ALOX12: variants seen among roughly 807,000 people sequenced by gnomAD.
The protein encoded by ALOX12 is arachidonate 12-lipoxygenase, 12S type.
In ALOX12, 62 loss-of-function variants were observed where a neutral mutation model predicts 85.5. The ratio of observed to expected loss-of-function variants is 0.73; its 90% CI spans 0.59 to 0.90. The LOEUF (loss-of-function observed/expected upper bound fraction) is 0.90. ALOX12 is among the 40% of genes least tolerant of loss of function. The pLI is 0.00. For missense variants in ALOX12, 751 were observed against 856.5 expected (o/e 0.88, Z 1.54); for synonymous variants, 299 against 332.7 (o/e 0.90, Z 1.10).
intron 8 of ALOX12, 179 bp downstream of exon 8, chr17:7,001,990 T>C (rs1908736551): frequency 1.6e-6 from 1 of 615,872 alleles, no homozygotes; most frequent in East Asian, 2.8e-5. Flanking sequence ...TCACTTAACA[T>C]TATATAGGAA....
intron 10 of ALOX12, 38 bp downstream of exon 10, chr17:7,006,065 G>GT (rs759175360): frequency 6.5e-5 from 11 of 169,596 alleles, no homozygotes; most frequent in South Asian, 3.1e-4. Flanking sequence ...GGGGCCGGGG[G>GT]GGGGGGGGGC....
At chr17:7,010,160 G>A (rs1263964369) in intron 13 of ALOX12, 34 bp downstream of exon 13, 2 of 1,600,070 alleles carry the variant, frequency 1.2e-6, no homozygotes, top group Admixed American at 3.4e-5. Context: ...GGAAATGACA[G>A]TTGGAAAGGA....
chr17:7,005,468 C>T (rs1567719608), intron 9 of ALOX12, 125 bp downstream of exon 9: 1 of 656,006 alleles, frequency 1.5e-6, no homozygotes. Flanking sequence ...CCTTTTATAC[C>T]CATGTCTTTT....
intron 10 of ALOX12, 106 bp from the exon 11 acceptor site, chr17:7,006,380 G>A: frequency 6.5e-7 from 1 of 1,545,298 alleles, no homozygotes; most frequent in South Asian, 1.2e-5. Context: ...CAAAGGCGAG[G>A]TGTCTTCCCA....
chr17:7,005,700 C>T (rs557231605), intron 9 of ALOX12, among the ~76,000 whole-genome samples, 158 bp from the exon 10 acceptor site: 7 of 151,820 alleles, frequency 4.6e-5, no homozygotes, highest in Non-Finnish European at 5.9e-5. Context: ...AGACTGGTCT[C>T]GAACTCCTGA....
In ALOX12 at chr17:7,010,493, T is replaced by G. The variant is rs1909337050; in HGVS notation, c.*70T>G. ...ACTGACATTTCTATCTTGAATTTCA[T>G]GCTTTCCTAAAGTCTCTGCTGCTAA... is the stretch of plus-strand genomic sequence containing the variant. On this transcript the variant is annotated 3_prime_UTR_variant, in exon 14 of 14. Coordinates refer to ENST00000251535, the MANE Select transcript of ALOX12 (RefSeq NM_000697.3). 1.9e-6 allele frequency: 3 copies of G among 1,542,424 alleles called. No homozygotes were observed. Among genetic ancestry groups the G allele is most frequent in the Non-Finnish European group, 2.6e-6 (3 of 1,142,004 alleles).
At chr17:7,001,916 G>C in intron 8 of ALOX12, 105 bp downstream of exon 8, 2 of 874,778 alleles carry the variant, frequency 2.3e-6, no homozygotes, top group Non-Finnish European at 3.5e-6. Context: ...AGCAATTTGT[G>C]AGTGAAGAGG....
At position 6,999,362 on chromosome 17, in the gene ALOX12, G is replaced by A. The variant is rs778398810; in HGVS notation, c.703G>A (p.Gly235Ser). 6.2e-7 allele frequency: 1 copy of A among 1,614,074 alleles called. No homozygotes were observed. Among genetic ancestry groups the A allele is most frequent in the African/African-American group, 1.3e-5 (1 of 74,926 alleles). Residue 235 changes from glycine to serine, a missense_variant, in exon 6 of 14, where the codon GGT (glycine) becomes AGT (serine). Coordinates refer to ENST00000251535, the MANE Select transcript of ALOX12 (RefSeq NM_000697.3). ...GTTGTTCAGCTACCAGTTCCTCAAT[G>A]GTGCCAACCCCATGCTGTTGAGACG... ...DELFSYQFLN[G>S]ANPMLLRRST...
Position 6,996,166 on chromosome 17 carries a change from G to C in ALOX12, c.49G>C (p.Gly17Arg), listed in dbSNP as rs1908419740. 8.0e-7 allele frequency: 1 copy of C among 1,254,458 alleles called. No individual in the cohort carries two copies. The highest frequency in any genetic ancestry group is 4.2e-5 in the Admixed American group (1 of 23,768). 77.7% of individuals were successfully genotyped at this position (1,254,458 alleles called of 1,614,324 possible). ...RVATGAWLFS[G>R]SYNRVQLWLV... ...GGCCACCGGGGCCTGGCTCTTCTCC[G>C]GGTCGTACAACCGCGTGCAGCTTTG... The change falls in exon 1 of 14, where the codon GGG becomes CGG. Residue 17 changes from glycine (G) to arginine (R), a missense_variant. Gly to Arg is a moderately radical substitution (Grantham distance 125). Transcript: ENST00000251535.
chr17:7,010,103 CTG>C lies in ALOX12; in HGVS notation c.1790_1791del (p.Leu597GlnfsTer46). On this transcript the variant is annotated frameshift_variant, in exon 13 of 14. Transcript: ENST00000251535. LOFTEE classifies it high-confidence loss of function. Reference sequence around the variant, plus strand: ...TCTTCAAATGGCCATCTCATGGCATCTGAGTCGCCGCCAGCCAGACATGGTGA... The same window carrying C: ...TCTTCAAATGGCCATCTCATGGCATCAGTCGCCGCCAGCCAGACATGGTGA... ...ACLQMAISWH[L>X]SRRQPDMVPL... 1.2e-6 allele frequency: 2 copies of C among 1,612,860 alleles called. No homozygotes were observed. Among genetic ancestry groups the C allele is most frequent in the Non-Finnish European group, 1.7e-6 (2 of 1,179,240 alleles).
chr17:7,008,434 T>C (rs186550398), intron 11 of ALOX12, among the ~76,000 whole-genome samples: 1 of 152,354 alleles, frequency 6.6e-6, no homozygotes, highest in East Asian at 1.9e-4. Context: ...TTGATTTTCT[T>C]ACCTATAAAA....
intron 1 of ALOX12, 127 bp from the exon 2 acceptor site, chr17:6,996,699 G>C (rs1908455554): frequency 8.4e-7 from 1 of 1,194,712 alleles, no homozygotes; most frequent in Non-Finnish European, 1.2e-6. Context: ...GTGCGGGGGC[G>C]GGAACGAGGC....
intron 8 of ALOX12, 93 bp downstream of exon 8, chr17:7,001,904 G>A: frequency 1.8e-6 from 2 of 1,086,800 alleles, no homozygotes; most frequent in African/African-American, 3.1e-5. Context: ...AAAACTCTTT[G>A]TAGCAATTTG....
intron 8 of ALOX12, among the ~76,000 whole-genome samples, chr17:7,004,367 T>C (rs988739839): frequency 1.7e-4 from 15 of 87,472 alleles, no homozygotes; most frequent in Non-Finnish European, 2.9e-4. Context: ...AATTTTAATA[T>C]TAATTTAATT....
intron 8 of ALOX12, 137 bp downstream of exon 8, chr17:7,001,948 A>G (rs550622103): frequency 4.3e-6 from 3 of 691,076 alleles, no homozygotes; most frequent in South Asian, 3.7e-5. Flanking sequence ...ATATCTTGAG[A>G]TGTTGATTTT....
rs1244819391 is a variant in ALOX12 at position 7,000,952 on chromosome 17, C to T, written c.951+473C>T. 6.7e-6 allele frequency among the ~76,000 whole-genome samples: 1 copy of T among 149,026 alleles called. No individual in the cohort carries two copies. The highest frequency in any genetic ancestry group is 2.0e-4 in the East Asian group (1 of 5,084). On this transcript the variant is annotated intron_variant, in intron 7 of 13. Transcript: ENST00000251535. The surrounding 1 kb of genome is among the most constrained non-coding windows in gnomAD (Gnocchi z 4.6). ...TCTTGAATATCTTTTCTCGCAATTT[C>T]TTTTTTTTTTTTGAGACAGAATCTC... is the stretch of plus-strand genomic sequence containing the variant.
Position 6,998,677 on chromosome 17 carries a change from C to G in ALOX12, c.420-38C>G, listed in dbSNP as rs765474207. On this transcript the variant is annotated intron_variant, in intron 3 of 13. Transcript: ENST00000251535. ...CCCTGCCCCTGGCCCCATCACTGACCATGACATCCTTCCTGAAGCTTTGTC... is the reference window on the plus strand; with the variant it reads ...CCCTGCCCCTGGCCCCATCACTGACGATGACATCCTTCCTGAAGCTTTGTC... The G allele has an allele frequency of 5.6e-6, 9 of 1,613,188 alleles. No homozygotes were observed. In the African/African-American group the frequency reaches 6.7e-5, roughly 12 times the overall value.
Position 7,000,591 on chromosome 17 carries a change from A to G in ALOX12, c.951+112A>G. The G allele has an allele frequency of 1.6e-6, 2 of 1,277,978 alleles. No individual in the cohort carries two copies. Among genetic ancestry groups the G allele is most frequent in the Non-Finnish European group, 2.2e-6 (2 of 913,210 alleles). 79.2% of individuals were successfully genotyped at this position (1,277,978 alleles called of 1,614,324 possible). On this transcript the variant is annotated intron_variant, in intron 7 of 13. Coordinates refer to ENST00000251535, the MANE Select transcript of ALOX12 (RefSeq NM_000697.3). This position sits in a 1 kb window ranked among gnomAD's most constrained non-coding sequence, Gnocchi z 4.6. ...CCAAACCCCATCCTCACTCAGTGAG[A>G]CTTGTCTTCATGTCACTATTTGCCT...
At position 6,999,140 on chromosome 17, in the gene ALOX12, T is replaced by C. The variant is rs2307215; in HGVS notation, c.646+84T>C. On this transcript the variant is annotated intron_variant, in intron 5 of 13. Coordinates refer to ENST00000251535, the MANE Select transcript of ALOX12 (RefSeq NM_000697.3). The stretch of plus-strand genomic sequence containing the variant: ...CACTCCACAGTCCCCCGTAACTCTT[T>C]GCAAGAAGAGACCTTATCATATCTG... 0.08 allele frequency: 119,651 copies of C among 1,504,218 alleles called. 7,824 individuals carry two copies. The highest frequency in any genetic ancestry group is 0.35 in the Admixed American group (18,957 of 54,854). 93.2% of individuals were successfully genotyped at this position (1,504,218 alleles called of 1,614,324 possible). A position where few individuals can be genotyped will look rare whatever the true frequency, so the allele number is the denominator to read the frequency against.
Sources: allele counts gnomAD v4.1 joint callset (sites outside exome capture counted in the v4.1 genomes callset), GRCh38; gene constraint gnomAD v4.1.1; non-coding constraint Gnocchi (gnomAD v3.1); transcripts MANE v1.5; gene names NCBI Gene and HGNC (gene_info 2026-07-23, HGNC 2026-07-21).